Variants in XRCC5 observed in about 807,000 individuals in gnomAD.
XRCC5 encodes the protein DNA repair protein Ku80.
XRCC5 carries 12 observed loss-of-function variants against 95.7 expected under a neutral mutation model. The observed-to-expected ratio is 0.13, with a 90% CI of 0.08 to 0.20. XRCC5 has a LOEUF of 0.20. Ranked by LOEUF, XRCC5 falls within the 10% of genes least tolerant of loss-of-function variation. The pLI, the probability that XRCC5 is intolerant of heterozygous loss-of-function variation, is 1.00. For missense variants in XRCC5, 595 were observed against 873.9 expected, an observed-to-expected ratio of 0.68 and a Z score of 4.02; for synonymous variants, 281 against 290.3, an observed-to-expected ratio of 0.97 and a Z score of 0.33.
chr2:216,196,379 AT>A (rs1177328428), intron 19 of XRCC5, among the ~76,000 whole-genome samples: 2 of 152,140 alleles, frequency 1.3e-5, no homozygotes, highest in Non-Finnish European at 1.5e-5. Context: ...TGAGTATGCC[AT>A]TTAACTGTTT....
rs908854525 is a variant in XRCC5 at position 216,113,252 on chromosome 2, G to C, written c.135+123G>C. Reference sequence around the variant, plus strand: ...CCCCTCTGTTTGGGGGGATTCTGGGGAGTTTCCTTACATGTACTCACATAC... The same window carrying C: ...CCCCTCTGTTTGGGGGGATTCTGGGCAGTTTCCTTACATGTACTCACATAC... On this transcript the variant is annotated intron_variant, in intron 2 of 20. Transcript: ENST00000392132. The C allele has an allele frequency of 7.9e-6, 6 of 756,940 alleles. No homozygotes were observed. In the African/African-American group the frequency reaches 1.1e-4, roughly 13 times the overall value. The allele number at this position is 756,940 out of a possible 1,614,324, so 46.9% of individuals were successfully genotyped here. A position where few individuals can be genotyped will look rare whatever the true frequency, so the allele number is the denominator to read the frequency against.
rs3755150 is a variant in XRCC5, at chr2:216,112,532, C to G, written c.22-484C>G. Among the ~76,000 whole-genome samples, 45 of 152,330 alleles carry G rather than the reference C, an allele frequency of 3.0e-4. No individual in the cohort carries two copies. In the East Asian group the frequency reaches 8.1e-3, roughly 27 times the overall value. ...TGACTCAAATTGTCAGGGTATACCT[C>G]TTAGCATATATATAGATTCTAGCAG... On this transcript the variant is annotated intron_variant, in intron 1 of 20. Transcript: ENST00000392132.
At chr2:216,164,774 G>A (rs1689022614) in intron 16 of XRCC5, among the ~76,000 whole-genome samples, 1 of 152,186 alleles carries the variant, frequency 6.6e-6, no homozygotes, top group Non-Finnish European at 1.5e-5. Context: ...CTCAGTGTCA[G>A]TACAACTCTG....
chr2:216,134,548 C>T (rs1419470682), intron 10 of XRCC5, among the ~76,000 whole-genome samples: 1 of 151,828 alleles, frequency 6.6e-6, no homozygotes, highest in Admixed American at 6.6e-5. Context: ...CTGTCTCAGC[C>T]TCCCGAGTAG....
chr2:216,118,106 C>T (rs889154690), intron 4 of XRCC5, among the ~76,000 whole-genome samples: 2 of 151,626 alleles, frequency 1.3e-5, no homozygotes, highest in Non-Finnish European at 2.9e-5. Context: ...AGCCATATGT[C>T]ATTGATATTA....
chr2:216,159,965 T>C, intron 14 of XRCC5, 103 bp from the exon 15 acceptor site: 1 of 591,780 alleles, frequency 1.7e-6, no homozygotes, highest in African/African-American at 2.8e-5. Context: ...TTTCTTCTTC[T>C]TCTTTTTTCT....
At chr2:216,153,454 A>C (rs925783289) in intron 14 of XRCC5, among the ~76,000 whole-genome samples, 1 of 152,254 alleles carries the variant, frequency 6.6e-6, no homozygotes, top group Non-Finnish European at 1.5e-5. Flanking sequence ...CCATTAAAGC[A>C]AGGGTTTTTA....
At position 216,187,861 on chromosome 2, in the gene XRCC5, T is replaced by TCTCCCCC. The variant is rs143232624; in HGVS notation, c.1835-2363_1835-2362insTCCCCCC. On this transcript the variant is annotated intron_variant, in intron 16 of 20. Coordinates refer to ENST00000392132, the MANE Select transcript of XRCC5 (RefSeq NM_021141.4). Reference sequence around the variant, plus strand: ...CTCTCTCTCTCTCTCTCTCTCTCTCTCCCCGTCTCCCTGTCTCTCCCTCTC... The same window carrying TCTCCCCC: ...CTCTCTCTCTCTCTCTCTCTCTCTCTCTCCCCCCCCCGTCTCCCTGTCTCTCCCTCTC... Among the ~76,000 whole-genome samples the TCTCCCCC allele has an allele frequency of 7.8e-4, 91 of 116,240 alleles. 6 individuals carry two copies. Among genetic ancestry groups the TCTCCCCC allele is most frequent in the African/African-American group, 3.7e-3 (88 of 23,876 alleles). 76.3% of individuals were successfully genotyped at this position (116,240 alleles called of 152,430 possible). A position where few individuals can be genotyped will look rare whatever the true frequency, so the allele number is the denominator to read the frequency against.
chr2:216,172,849 C>A (rs1689194956), intron 16 of XRCC5, among the ~76,000 whole-genome samples: 1 of 151,988 alleles, frequency 6.6e-6, no homozygotes, highest in African/African-American at 2.4e-5. Flanking sequence ...GGGAAAATTG[C>A]CATTTTAATA....
intron 16 of XRCC5, among the ~76,000 whole-genome samples, chr2:216,162,494 C>T (rs1432475723): frequency 6.6e-6 from 1 of 151,652 alleles, no homozygotes; most frequent in Admixed American, 6.6e-5. Flanking sequence ...CTCTGCCTCC[C>T]GAGTTGAAGC....
At chr2:216,176,762 CTT>C (rs1411581490) in intron 16 of XRCC5, among the ~76,000 whole-genome samples, 2 of 152,186 alleles carry the variant, frequency 1.3e-5, no homozygotes, top group Non-Finnish European at 2.9e-5. Flanking sequence ...CTGTAATTCA[CTT>C]TTCATTTTCT....
chr2:216,116,135 T>C (rs934904903), intron 2 of XRCC5, among the ~76,000 whole-genome samples: 3 of 152,272 alleles, frequency 2.0e-5, no homozygotes, highest in Non-Finnish European at 4.4e-5. Flanking sequence ...TGCATTCTCC[T>C]GTTTGATAGT....
chr2:216,137,760 C>A (rs1462644574), intron 11 of XRCC5, among the ~76,000 whole-genome samples: 1 of 152,192 alleles, frequency 6.6e-6, no homozygotes, highest in Non-Finnish European at 1.5e-5. Context: ...TTACTGTGGC[C>A]GAACTGGAAA....
intron 10 of XRCC5, among the ~76,000 whole-genome samples, chr2:216,136,113 T>G (rs1000796801): frequency 1.3e-5 from 2 of 152,056 alleles, no homozygotes; most frequent in Admixed American, 1.3e-4. Context: ...TCCCAGCACT[T>G]TGGGAGGCCG....
At chr2:216,155,076 A>C (rs1688816926) in intron 14 of XRCC5, among the ~76,000 whole-genome samples, 1 of 151,928 alleles carries the variant, frequency 6.6e-6, no homozygotes, top group South Asian at 2.1e-4. Context: ...AAATATAAAA[A>C]TTAGCTAGGC....
chr2:216,158,644 C>T (rs895546483), intron 14 of XRCC5, among the ~76,000 whole-genome samples: 2 of 151,950 alleles, frequency 1.3e-5, no homozygotes, highest in African/African-American at 4.8e-5. Flanking sequence ...GGTGACTTAC[C>T]CCTTGTAATG....
rs1559239811 is a variant in XRCC5 at position 216,126,049 on chromosome 2, A to AT, written c.798+23dup. Reference sequence around the variant, plus strand: ...ATAAATCGGTAAGTGGCAGGTACACATTTTTAACAGAAATGTTACCAGGCA... The same window carrying AT: ...ATAAATCGGTAAGTGGCAGGTACACATTTTTTAACAGAAATGTTACCAGGCA... On this transcript the variant is annotated intron_variant, in intron 7 of 20. Coordinates refer to ENST00000392132, the MANE Select transcript of XRCC5 (RefSeq NM_021141.4). The AT allele has an allele frequency of 1.3e-6, 2 of 1,584,622 alleles. No individual in the cohort carries two copies. Among genetic ancestry groups the AT allele is most frequent in the Non-Finnish European group, 1.7e-6 (2 of 1,154,174 alleles).
chr2:216,147,687 G>A (rs1269518511), intron 13 of XRCC5, among the ~76,000 whole-genome samples: 1 of 152,134 alleles, frequency 6.6e-6, no homozygotes, highest in African/African-American at 2.4e-5. Context: ...AAGTGAGGGA[G>A]AAAGCACAGC....
intron 7 of XRCC5, 102 bp from the exon 8 acceptor site, chr2:216,127,434 G>T (rs1045390585): frequency 2.2e-6 from 3 of 1,345,408 alleles, no homozygotes; most frequent in African/African-American, 1.5e-5. Flanking sequence ...TAGAGTAATT[G>T]TTCTGGATTT....
Sources: gnomAD v4.1 joint callset for allele counts (sites outside exome capture counted in the v4.1 genomes callset) on GRCh38, gnomAD v4.1.1 for gene constraint, MANE v1.5 for transcripts, NCBI Gene and HGNC (gene_info 2026-07-23, HGNC 2026-07-21) for gene names.